Variants in PSG3 observed in about 807,000 individuals in gnomAD.
PSG3 encodes the protein pregnancy-specific beta-1-glycoprotein 3.
In PSG3, 61 loss-of-function variants were observed where a neutral mutation model predicts 47.5. That is an observed-to-expected ratio of 1.28 (90% CI 1.05 to 1.59). PSG3 has a LOEUF of 1.59. Ranked by LOEUF, PSG3 falls within the 40% of genes most tolerant of loss-of-function variation. PSG3 has a pLI of 0.00. For synonymous variants in PSG3, 263 were observed against 198.4 expected, an observed-to-expected ratio of 1.33 and a Z score of -2.74; for missense variants, 756 against 524.0, an observed-to-expected ratio of 1.44 and a Z score of -4.32.
chr19:42,738,578 T>C, intron 2 of PSG3, 146 bp downstream of exon 2: 1 of 1,499,044 alleles, frequency 6.7e-7, no homozygotes, highest in Non-Finnish European at 9.2e-7. Context: ...TTGTCTCTTC[T>C]GTGTGTGTCC....
chr19:42,733,207 A>G (rs1969505950), intron 2 of PSG3, 145 bp from the exon 3 acceptor site: 2 of 1,465,976 alleles, frequency 1.4e-6, no homozygotes, highest in African/African-American at 1.4e-5. Context: ...TACAAGACAG[A>G]TGCATGGCAA....
intron 1 of PSG3, 144 bp from the exon 2 acceptor site, chr19:42,739,233 A>C (rs1032735984): frequency 3.1e-6 from 4 of 1,273,358 alleles, no homozygotes; most frequent in Non-Finnish European, 4.4e-6. Flanking sequence ...CACACACACA[A>C]AAGGGGCATG....
intron 6 of PSG3, 112 bp from the exon 7 acceptor site, chr19:42,722,202 A>G (rs1407689946): frequency 3.0e-5 from 12 of 398,148 alleles, no homozygotes; most frequent in African/African-American, 1.4e-4. Context: ...TGACACTATG[A>G]TAACATATTT....
In PSG3 at chr19:42,732,858, G is replaced by A. The variant is rs551128175; in HGVS notation, c.635C>T (p.Ala212Val). 4.3e-5 allele frequency: 69 copies of A among 1,614,146 alleles called. No homozygotes were observed. In the East Asian group the frequency reaches 1.0e-3, roughly 23 times the overall value. Residue 212 changes from alanine (A) to valine (V), a missense_variant, in exon 3 of 7, where the codon GCA (alanine) becomes GTA (valine). Ala to Val is a moderately conservative substitution (Grantham distance 64). Transcript: ENST00000327495. ...CCGTATTTCACATTCATAGGGTCCTGCAGTGTACTTTGTGACACCAAATAG... is the reference window on the plus strand; with the variant it reads ...CCGTATTTCACATTCATAGGGTCCTACAGTGTACTTTGTGACACCAAATAG... ...LFLFGVTKYT[A>V]GPYECEIRNP... is the part of the protein sequence containing the mutation.
rs1264242468 is a variant in PSG3 at position 42,740,405 on chromosome 19, T to A, written c.-21A>T. Reference sequence around the variant, plus strand: ...CCCATGGTCTCTGCTGCCTGCGTGTTCTCCTCTGTGGAGCTGAGCCTAGGA... The same window carrying A: ...CCCATGGTCTCTGCTGCCTGCGTGTACTCCTCTGTGGAGCTGAGCCTAGGA... On this transcript the variant is annotated 5_prime_UTR_variant, in exon 1 of 7. Transcript: ENST00000327495. 22 of 1,613,884 alleles carry A rather than the reference T, an allele frequency of 1.4e-5. No individual in the cohort carries two copies. Among genetic ancestry groups the A allele is most frequent in the Non-Finnish European group, 1.6e-5 (19 of 1,179,942 alleles).
At chr19:42,738,252 T>C (rs1445142714) in intron 2 of PSG3, among the ~76,000 whole-genome samples, 1 of 152,212 alleles carries the variant, frequency 6.6e-6, no homozygotes, top group East Asian at 1.9e-4. Context: ...TTGGTCCCAG[T>C]AAGCCCTGCC....
At chr19:42,736,271 AG>A (rs1237024705) in intron 2 of PSG3, among the ~76,000 whole-genome samples, 1 of 152,218 alleles carries the variant, frequency 6.6e-6, no homozygotes, top group African/African-American at 2.4e-5. Context: ...TCACTATTGT[AG>A]AACGTGAGAT....
chr19:42,739,232 A>G (rs1284188621), intron 1 of PSG3, 143 bp from the exon 2 acceptor site: 3 of 1,312,106 alleles, frequency 2.3e-6, no homozygotes, highest in Admixed American at 4.6e-5. Context: ...ACACACACAC[A>G]AAAGGGGCAT....
chr19:42,730,137 C>G, intron 3 of PSG3, 81 bp from the exon 4 acceptor site: 1 of 1,579,448 alleles, frequency 6.3e-7, no homozygotes, highest in Non-Finnish European at 8.6e-7. Flanking sequence ...GAGTTGGCAT[C>G]TCCCACCTCT....
At chr19:42,736,512 G>C (rs2122193831) in intron 2 of PSG3, among the ~76,000 whole-genome samples, 1 of 152,226 alleles carries the variant, frequency 6.6e-6, no homozygotes, top group Admixed American at 6.5e-5. Flanking sequence ...CTGATCCACT[G>C]GGGAGGCTGA....
rs532179919 is a variant in PSG3 at position 42,739,340 on chromosome 19, G to C, written c.65-251C>G. The C allele has an allele frequency of 5.8e-5, 36 of 617,858 alleles. No individual in the cohort carries two copies. The Middle Eastern group carries it at 2.0e-3, about 34-fold the overall frequency. 38.3% of individuals were successfully genotyped at this position (617,858 alleles called of 1,614,324 possible). On this transcript the variant is annotated intron_variant, in intron 1 of 6. Coordinates refer to ENST00000327495, the MANE Select transcript of PSG3 (RefSeq NM_021016.4). ...TCTGACCTTGGCATTTTTCTGTTTG[G>C]AATCCTCTTCCCCAGGGGTCCGCAC...
Position 42,729,652 on chromosome 19 carries a change from G to A in PSG3, c.988+126C>T, listed in dbSNP as rs1969437624. ...AGATCTTCCCAGGGCAGGAAGTTAT[G>A]GCCAGCTCGGATGTCCAGAAGTAAT... On this transcript the variant is annotated intron_variant, in intron 4 of 6. Coordinates refer to ENST00000327495, the MANE Select transcript of PSG3 (RefSeq NM_021016.4). 4 of 1,543,896 alleles carry A rather than the reference G, an allele frequency of 2.6e-6. No individual in the cohort carries two copies. The East Asian group carries it at 9.0e-5, about 35-fold the overall frequency.
chr19:42,725,301 T>G (rs1054455365), intron 5 of PSG3, among the ~76,000 whole-genome samples: 6 of 152,154 alleles, frequency 3.9e-5, no homozygotes, highest in African/African-American at 1.4e-4. Context: ...CTGTAAACTC[T>G]TACATTAAAA....
intron 5 of PSG3, among the ~76,000 whole-genome samples, chr19:42,728,053 AAGAT>A (rs1969404514): frequency 6.6e-6 from 1 of 152,224 alleles, no homozygotes; most frequent in African/African-American, 2.4e-5. Context: ...CCATTTATAA[AAGAT>A]AGTTAGAATA....
chr19:42,740,360 A>C lies in PSG3; in HGVS notation c.25T>G (p.Cys9Gly). 1 of 1,614,004 alleles carries C rather than the reference A, an allele frequency of 6.2e-7. No homozygotes were observed. Among genetic ancestry groups the C allele is most frequent in the South Asian group, 1.1e-5 (1 of 91,076 alleles). MGPLSAPP[C>G]TQRITWKGLL... ...CCCTTCCAGGTGATGCGCTGTGTGC[A>C]GGGAGGGGCTGAGAGGGGCCCCATG... The change falls in exon 1 of 7, where the codon TGC becomes GGC. Residue 9 changes from cysteine (C) to glycine (G), a missense_variant. Physicochemically the swap from Cys to Gly is radical, Grantham distance 159 (BLOSUM62 -3). Transcript: ENST00000327495.
At chr19:42,739,643 G>A (rs1025581202) in intron 1 of PSG3, among the ~76,000 whole-genome samples, 1 of 152,242 alleles carries the variant, frequency 6.6e-6, no homozygotes, top group African/African-American at 2.4e-5. Flanking sequence ...AGATGTGAGA[G>A]TTCTCAGGGC....
chr19:42,725,301 T>C (rs1054455365), intron 5 of PSG3, among the ~76,000 whole-genome samples: 2 of 152,154 alleles, frequency 1.3e-5, no homozygotes, highest in African/African-American at 4.8e-5. Context: ...CTGTAAACTC[T>C]TACATTAAAA....
chr19:42,725,355 G>A (rs1400590715), intron 5 of PSG3, among the ~76,000 whole-genome samples: 1 of 152,014 alleles, frequency 6.6e-6, no homozygotes, highest in Non-Finnish European at 1.5e-5. Flanking sequence ...AATACTTCAG[G>A]ATATGAAAGA....
At chr19:42,731,375 A>G (rs539147161) in intron 3 of PSG3, among the ~76,000 whole-genome samples, 2 of 152,350 alleles carry the variant, frequency 1.3e-5, no homozygotes, top group South Asian at 4.1e-4. Context: ...TCAGATTAGT[A>G]GGCAAAAGTG....
Sources: gnomAD v4.1 joint callset for allele counts (sites outside exome capture counted in the v4.1 genomes callset) on GRCh38, gnomAD v4.1.1 for gene constraint, MANE v1.5 for transcripts, NCBI Gene and HGNC (gene_info 2026-07-23, HGNC 2026-07-21) for gene names.